TOP2B: variants seen among roughly 807,000 people sequenced by gnomAD.
TOP2B encodes the protein DNA topoisomerase 2-beta.
A neutral mutation model predicts 193.5 loss-of-function variants in TOP2B; 51 were observed. The ratio of observed to expected loss-of-function variants is 0.26; its 90% CI spans 0.21 to 0.33. The LOEUF is 0.33. Ranked by LOEUF, TOP2B falls within the 10% of genes least tolerant of loss-of-function variation. TOP2B has a pLI of 1.00. For missense variants in TOP2B, 1,378 were observed against 1,909.3 expected, an observed-to-expected ratio of 0.72 and a Z score of 5.19; for synonymous variants, 634 against 635.7, an observed-to-expected ratio of 1.00 and a Z score of 0.04.
chr3:25,644,694 C>T (rs1487210658), intron 2 of TOP2B, among the ~76,000 whole-genome samples: 1 of 44,564 alleles, frequency 2.2e-5, no homozygotes, highest in Non-Finnish European at 4.2e-5. Flanking sequence ...GAGCGAGACA[C>T]GGGGTGGGGG....
intron 1 of TOP2B, among the ~76,000 whole-genome samples, chr3:25,663,306 A>G (rs1703973046): frequency 1.3e-5 from 2 of 152,200 alleles, no homozygotes; most frequent in African/African-American, 4.8e-5. Context: ...TAAAACAGGG[A>G]CGGGGGAACA....
chr3:25,611,553 T>C (rs1230639731), intron 28 of TOP2B, among the ~76,000 whole-genome samples: 2 of 152,192 alleles, frequency 1.3e-5, no homozygotes, highest in African/African-American at 4.8e-5. Flanking sequence ...ATTGTAAAAA[T>C]CAACCTGTCC....
At chr3:25,644,144 C>T (rs145801197) in intron 2 of TOP2B, among the ~76,000 whole-genome samples, 68 of 148,580 alleles carry the variant, frequency 4.6e-4, no homozygotes, top group African/African-American at 1.3e-3. Flanking sequence ...TAAAATAATA[C>T]GAACAAAGCA....
intron 11 of TOP2B, 80 bp downstream of exon 11, chr3:25,630,721 T>C (rs748592602): frequency 2.2e-5 from 28 of 1,272,874 alleles, no homozygotes; most frequent in Non-Finnish European, 2.8e-5. Context: ...AGTCTAACTA[T>C]ATGTAGAAAA....
In TOP2B at chr3:25,598,187, TAAAA is replaced by T. The variant is rs1307381181; in HGVS notation, c.*116_*119del. 7 of 1,098,318 alleles carry T rather than the reference TAAAA, an allele frequency of 6.4e-6. No individual in the cohort carries two copies. Among genetic ancestry groups the T allele is most frequent in the African/African-American group, 1.6e-5 (1 of 63,440 alleles). The allele number at this position is 1,098,318 out of a possible 1,614,324, so 68.0% of individuals were successfully genotyped here. ...AATGTTAAAAGGCCTACCACAATAATAAAAAACCGTCAATTACATCATCACATTA... is the reference window on the plus strand; with the variant it reads ...AATGTTAAAAGGCCTACCACAATAATAACCGTCAATTACATCATCACATTA... On this transcript the variant is annotated 3_prime_UTR_variant, in exon 36 of 36. Transcript: ENST00000264331.
intron 4 of TOP2B, among the ~76,000 whole-genome samples, chr3:25,641,746 T>G (rs1174201598): frequency 6.6e-6 from 1 of 152,096 alleles, no homozygotes; most frequent in Non-Finnish European, 1.5e-5. Flanking sequence ...AAATTACTAA[T>G]GAAATTACAA....
At chr3:25,604,440 G>A (rs998695023) in intron 33 of TOP2B, among the ~76,000 whole-genome samples, 1 of 152,086 alleles carries the variant, frequency 6.6e-6, no homozygotes, top group African/African-American at 2.4e-5. Flanking sequence ...GATCAACATA[G>A]ATAACAGAAG....
At chr3:25,630,000 T>C in intron 13 of TOP2B, 29 bp downstream of exon 13, 2 of 1,550,348 alleles carry the variant, frequency 1.3e-6, no homozygotes, top group East Asian at 2.3e-5. Flanking sequence ...AGACATGAAT[T>C]TGAAATATGT....
At chr3:25,599,074 TA>T (rs557378753) in intron 35 of TOP2B, among the ~76,000 whole-genome samples, 99 of 149,614 alleles carry the variant, frequency 6.6e-4, no homozygotes, top group Non-Finnish European at 1.1e-3. Flanking sequence ...TGAATTCAAT[TA>T]AAAAAAAAAT....
At chr3:25,629,849 C>A (rs1702908913) in intron 13 of TOP2B, among the ~76,000 whole-genome samples, 180 bp downstream of exon 13, 2 of 152,120 alleles carry the variant, frequency 1.3e-5, no homozygotes, top group African/African-American at 4.8e-5. Flanking sequence ...AAAAATCAGA[C>A]AATGTAAAAT....
intron 1 of TOP2B, among the ~76,000 whole-genome samples, chr3:25,657,954 G>C (rs539996875): frequency 4.1e-5 from 5 of 121,922 alleles, no homozygotes; most frequent in Non-Finnish European, 6.5e-5. Context: ...CCAGCTACTT[G>C]GGAGGCTGAG....
At chr3:25,636,216 T>A (rs975919700) in intron 6 of TOP2B, 68 bp from the exon 7 acceptor site, 18 of 909,490 alleles carry the variant, frequency 2.0e-5, no homozygotes, top group Non-Finnish European at 2.6e-5. Context: ...AAGACTACAC[T>A]CATTAAATTC....
At chr3:25,638,028 A>T in intron 5 of TOP2B, 137 bp downstream of exon 5, 1 of 868,420 alleles carries the variant, frequency 1.2e-6, no homozygotes. Context: ...CCAAGACAAT[A>T]TTTATACATG....
chr3:25,650,571 T>G (rs950596938), intron 1 of TOP2B, among the ~76,000 whole-genome samples: 1 of 152,244 alleles, frequency 6.6e-6, no homozygotes, highest in East Asian at 1.9e-4. Context: ...CACAATGGTT[T>G]TGGCACTCAT....
chr3:25,663,635 C>A (rs533155212), intron 1 of TOP2B, among the ~76,000 whole-genome samples: 17 of 152,282 alleles, frequency 1.1e-4, no homozygotes, highest in African/African-American at 3.9e-4. Context: ...ATAATCTCAC[C>A]CTGACAGAGG....
rs1190952048 is a variant in TOP2B, at chr3:25,637,201, T to C, written c.639+14A>G. On this transcript the variant is annotated intron_variant, in intron 6 of 35. Coordinates refer to ENST00000264331, the MANE Select transcript of TOP2B (RefSeq NM_001330700.2). ...GTTATTTTAAAAAAAGAAATAGATG[T>C]GTTTCTAGCATACCTGCTTAAAACT... The C allele has an allele frequency of 5.9e-6, 9 of 1,520,142 alleles. No individual in the cohort carries two copies. Among genetic ancestry groups the C allele is most frequent in the Non-Finnish European group, 7.1e-6 (8 of 1,120,282 alleles). 94.2% of individuals were successfully genotyped at this position (1,520,142 alleles called of 1,614,324 possible).
chr3:25,618,771 A>G lies in TOP2B; in HGVS notation c.3142T>C (p.Leu1048=), dbSNP rs1436322277. Residue 1048 remains leucine, a synonymous_variant, in exon 24 of 36, where the codon TTA becomes CTA. Transcript: ENST00000264331. ...DILKEFFDLR[L]SYYGLRKEWL... ...TCCTTACGTAAACCGTAATAACTTA[A>G]TCGTAAATCAAAGAATTCTTTCAGA... is the stretch of plus-strand genomic sequence containing the variant. 6.2e-7 allele frequency: 1 copy of G among 1,612,968 alleles called. No individual in the cohort carries two copies. Among genetic ancestry groups the G allele is most frequent in the African/African-American group, 1.3e-5 (1 of 74,906 alleles).
At chr3:25,646,408 T>C (rs1455757736) in intron 1 of TOP2B, among the ~76,000 whole-genome samples, 2 of 152,174 alleles carry the variant, frequency 1.3e-5, no homozygotes, top group African/African-American at 2.4e-5. Flanking sequence ...AGGCACAGGT[T>C]GGTGATCTTA....
intron 25 of TOP2B, 175 bp downstream of exon 25, chr3:25,618,243 A>G: frequency 1.7e-6 from 1 of 579,334 alleles, no homozygotes; most frequent in East Asian, 2.8e-5. Flanking sequence ...GTGGGTGTGT[A>G]CTATAAATTC....
Sources: allele counts gnomAD v4.1 joint callset (sites outside exome capture counted in the v4.1 genomes callset), GRCh38; gene constraint gnomAD v4.1.1; transcripts MANE v1.5; gene names NCBI Gene and HGNC (gene_info 2026-07-23, HGNC 2026-07-21).